Variants in GRM5 observed in about 807,000 individuals in gnomAD.
GRM5 encodes metabotropic glutamate receptor 5.
Under a neutral mutation model 83.1 loss-of-function variants are expected in GRM5, and 19 were observed. The ratio of observed to expected loss-of-function variants is 0.23; its 90% CI spans 0.16 to 0.34. The LOEUF (loss-of-function observed/expected upper bound fraction) is 0.34. GRM5 is among the 10% of genes least tolerant of loss of function. GRM5 has a pLI of 1.00. For missense variants in GRM5, 1,160 were observed against 1,588.3 expected, an observed-to-expected ratio of 0.73 and a Z score of 4.58; for synonymous variants, 675 against 633.6, an observed-to-expected ratio of 1.07 and a Z score of -0.98.
At chr11:88,590,521 G>T in intron 7 of GRM5, 80 bp downstream of exon 7, 1 of 1,112,812 alleles carries the variant, frequency 9.0e-7, no homozygotes, top group Admixed American at 1.8e-5. Context: ...GATGAGTAAC[G>T]CTTGGGGATG....
At chr11:88,915,607 C>T (rs1252755559) in intron 2 of GRM5, among the ~76,000 whole-genome samples, 2 of 152,142 alleles carry the variant, frequency 1.3e-5, no homozygotes, top group Non-Finnish European at 2.9e-5. Context: ...ATATATAATG[C>T]ATTAATTAAT....
intron 2 of GRM5, among the ~76,000 whole-genome samples, chr11:88,968,662 T>A (rs1479257665): frequency 1.3e-5 from 2 of 151,978 alleles, no homozygotes; most frequent in Non-Finnish European, 1.5e-5. Flanking sequence ...GGAGACAGAG[T>A]AAGTCCCTGT....
intron 2 of GRM5, among the ~76,000 whole-genome samples, chr11:89,035,199 C>A (rs1428493746): frequency 6.6e-6 from 1 of 151,612 alleles, no homozygotes; most frequent in East Asian, 1.9e-4. Context: ...TCCATAAAAA[C>A]ATATTGTCAA....
intron 3 of GRM5, among the ~76,000 whole-genome samples, chr11:88,789,382 AAG>A (rs1007253681): frequency 4.6e-5 from 7 of 152,158 alleles, no homozygotes. Flanking sequence ...GAAAAAAAGA[AAG>A]AGAAGAAAAC....
chr11:88,978,509 A>AAAAAAAAAAC (rs1352195774), intron 2 of GRM5, among the ~76,000 whole-genome samples: 1 of 117,034 alleles, frequency 8.5e-6, no homozygotes, highest in Non-Finnish European at 1.8e-5. Flanking sequence ...AAAAAAAAAA[A>AAAAAAAAAAC]AAAAAAACCT....
chr11:88,595,380 A>G (rs925379728), intron 6 of GRM5, among the ~76,000 whole-genome samples: 11 of 152,116 alleles, frequency 7.2e-5, no homozygotes, highest in African/African-American at 2.6e-4. Context: ...TCCTTTAACA[A>G]AGCTCTTCCT....
intron 3 of GRM5, among the ~76,000 whole-genome samples, chr11:88,695,635 T>C (rs548238113): frequency 9.9e-5 from 15 of 152,240 alleles, no homozygotes; most frequent in Non-Finnish European, 2.1e-4. Context: ...CTGGGGCTTT[T>C]CTATACCTTC....
chr11:88,715,295 C>G (rs1247049950), intron 3 of GRM5, among the ~76,000 whole-genome samples: 1 of 151,932 alleles, frequency 6.6e-6, no homozygotes, highest in African/African-American at 2.4e-5. Context: ...TAGGAACGAC[C>G]TGCAGAGAGA....
At chr11:88,939,342 C>T (rs1424099081) in intron 2 of GRM5, among the ~76,000 whole-genome samples, 1 of 151,600 alleles carries the variant, frequency 6.6e-6, no homozygotes, top group African/African-American at 2.4e-5. Context: ...TACAAGGGTG[C>T]CCACATTAAT....
chr11:88,509,390 G>T lies in GRM5; in HGVS notation c.2841C>A (p.Ala947=), dbSNP rs1395881373. 11 of 1,612,624 alleles carry T rather than the reference G, an allele frequency of 6.8e-6. No homozygotes were observed. The highest frequency in any genetic ancestry group is 1.7e-4 in the Middle Eastern group (1 of 5,978). ...INKKENPNQT[A]VIKPFPKSTE... Reference sequence around the variant, plus strand: ...TGCTCTTGGGGAAGGGCTTGATGACGGCCGTTTGGTTGGGGTTTTCTTTCT... The same window carrying T: ...TGCTCTTGGGGAAGGGCTTGATGACTGCCGTTTGGTTGGGGTTTTCTTTCT... The change falls in exon 10 of 10, where the codon GCC becomes GCA. Residue 947 remains alanine (A), a synonymous_variant. Coordinates refer to ENST00000305447, the MANE Select transcript of GRM5 (RefSeq NM_001143831.3).
chr11:88,819,999 A>G (rs1943758792), intron 3 of GRM5, among the ~76,000 whole-genome samples: 1 of 151,984 alleles, frequency 6.6e-6, no homozygotes, highest in Non-Finnish European at 1.5e-5. Context: ...TGACCTAATC[A>G]CCTCTTAAAG....
intron 3 of GRM5, among the ~76,000 whole-genome samples, chr11:88,657,412 A>C (rs1415327179): frequency 6.6e-6 from 1 of 152,126 alleles, no homozygotes; most frequent in Non-Finnish European, 1.5e-5. Flanking sequence ...TTCTTAACTT[A>C]CTTAGCTTGG....
At chr11:88,873,340 G>A (rs1944800427) in intron 2 of GRM5, among the ~76,000 whole-genome samples, 1 of 151,490 alleles carries the variant, frequency 6.6e-6, no homozygotes, top group African/African-American at 2.4e-5. Flanking sequence ...ACATAGTTAA[G>A]CCACACTGTA....
intron 2 of GRM5, among the ~76,000 whole-genome samples, chr11:89,014,407 G>A (rs770146644): frequency 2.0e-5 from 3 of 152,012 alleles, no homozygotes; most frequent in Middle Eastern, 3.2e-3. Context: ...AGCTGAGCTT[G>A]GTTTCAATGC....
chr11:88,604,499 A>G (rs866460629), intron 5 of GRM5, among the ~76,000 whole-genome samples: 3 of 152,344 alleles, frequency 2.0e-5, no homozygotes, highest in Middle Eastern at 6.8e-3. Flanking sequence ...AAATGTGATG[A>G]TTCGCAAAGC....
At chr11:88,642,066 C>T (rs567660896) in intron 4 of GRM5, among the ~76,000 whole-genome samples, 1 of 152,132 alleles carries the variant, frequency 6.6e-6, no homozygotes, top group Non-Finnish European at 1.5e-5. Flanking sequence ...TCTGCTTGGG[C>T]ACCCAGTTTG....
At chr11:88,935,925 A>G (rs1415747243) in intron 2 of GRM5, among the ~76,000 whole-genome samples, 1 of 151,974 alleles carries the variant, frequency 6.6e-6, no homozygotes, top group Non-Finnish European at 1.5e-5. Context: ...ACTAAATACA[A>G]TCCCAACTAA....
intron 4 of GRM5, among the ~76,000 whole-genome samples, chr11:88,645,491 A>G (rs191821183): frequency 1.3e-5 from 2 of 152,258 alleles, no homozygotes; most frequent in African/African-American, 4.8e-5. Context: ...AAATGGTGGG[A>G]ACACAGATTT....
intron 5 of GRM5, among the ~76,000 whole-genome samples, chr11:88,600,165 TC>T (rs1937938378): frequency 6.6e-6 from 1 of 152,072 alleles, no homozygotes; most frequent in South Asian, 2.1e-4. Context: ...CAGCCCAGTT[TC>T]TTTTTTCTCC....
Sources: allele counts gnomAD v4.1 joint callset (sites outside exome capture counted in the v4.1 genomes callset), GRCh38; gene constraint gnomAD v4.1.1; transcripts MANE v1.5; gene names NCBI Gene and HGNC (gene_info 2026-07-23, HGNC 2026-07-21).